The following GCN1 variants were observed in gnomAD, a reference collection of about 807,000 sequenced individuals.
GCN1 encodes stalled ribosome sensor GCN1.
Under a neutral mutation model 288.4 loss-of-function variants are expected in GCN1, and 90 were observed. That is an observed-to-expected ratio of 0.31 (90% CI 0.26 to 0.37). The LOEUF (loss-of-function observed/expected upper bound fraction) is 0.37. GCN1 is among the 10% of genes least tolerant of loss of function. The pLI is 1.00. For missense variants in GCN1, 2,586 were observed against 3,419.9 expected (o/e 0.76, Z 6.08); for synonymous variants, 1,386 against 1,420.2 (o/e 0.98, Z 0.54).
rs375093992 is a variant in GCN1, at chr12:120,164,447, G to C, written c.1737C>G (p.His579Gln). 1.2e-6 allele frequency: 2 copies of C among 1,614,024 alleles called. No individual in the cohort carries two copies. The highest frequency in any genetic ancestry group is 1.7e-6 in the Non-Finnish European group (2 of 1,179,980). ...CTGTCTGCTGAGCCTGCCTGCGGAC[G>C]TGCCAGGTGCGGCTCAGGAGCACCG... ...LVAVLLSRTW[H>Q]VRRQAQQTVR... Residue 579 changes from histidine (H) to glutamine (Q), a missense_variant, in exon 18 of 58, where the codon CAC becomes CAG. Physicochemically the swap from His to Gln is conservative, Grantham distance 24. Transcript: ENST00000300648.
At chr12:120,160,047 G>T (rs1245971300) in intron 23 of GCN1, 24 bp from the exon 24 acceptor site, 2 of 1,606,994 alleles carry the variant, frequency 1.2e-6, no homozygotes, top group South Asian at 2.2e-5. Context: ...TGTCCAGAAG[G>T]CAGGTCAGCA....
chr12:120,158,095 T>C lies in GCN1; in HGVS notation c.2906-65A>G. 1 of 1,505,776 alleles carries C rather than the reference T, an allele frequency of 6.6e-7. No homozygotes were observed. Among genetic ancestry groups the C allele is most frequent in the Non-Finnish European group, 9.1e-7 (1 of 1,094,466 alleles). The allele number at this position is 1,505,776 out of a possible 1,614,324, so 93.3% of individuals were successfully genotyped here. On this transcript the variant is annotated intron_variant, in intron 25 of 57. Transcript: ENST00000300648. The surrounding 1 kb of genome is among the most constrained non-coding windows in gnomAD (Gnocchi z 4.3). ...CAGGGACCCGGGCCACTGCTGCCTA[T>C]TTCTATCCTCAGGGAAAGTAGGGAA...
intron 1 of GCN1, among the ~76,000 whole-genome samples, chr12:120,190,647 A>C (rs1192868908): frequency 6.6e-6 from 1 of 152,142 alleles, no homozygotes; most frequent in East Asian, 1.9e-4. Context: ...TGACATTGTC[A>C]AATGTCTCCT....
rs778946332 is a variant in GCN1, at chr12:120,137,190, C to T, written c.6777+16G>A. The T allele has an allele frequency of 1.0e-5, 16 of 1,588,354 alleles. No individual in the cohort carries two copies. The South Asian group carries it at 1.3e-4, about 13-fold the overall frequency. ...GACTGCACGCCCACAGCCCCCTGCA[C>T]GAGGCCCTGGCTTACCTTCTTCGGG... On this transcript the variant is annotated intron_variant, in intron 50 of 57. Coordinates refer to ENST00000300648, the MANE Select transcript of GCN1 (RefSeq NM_006836.2). The surrounding 1 kb of genome is among the most constrained non-coding windows in gnomAD (Gnocchi z 5.2).
chr12:120,182,439 G>A (rs888754589), intron 5 of GCN1, among the ~76,000 whole-genome samples: 2 of 152,172 alleles, frequency 1.3e-5, no homozygotes, highest in African/African-American at 4.8e-5. Context: ...TTCATGGAGC[G>A]GTACTTGTGT....
chr12:120,137,177 A>G lies in GCN1; in HGVS notation c.6777+29T>C, dbSNP rs764075016. The G allele has an allele frequency of 2.2e-5, 34 of 1,521,214 alleles. No homozygotes were observed. Among genetic ancestry groups the G allele is most frequent in the Non-Finnish European group, 3.0e-5 (33 of 1,096,132 alleles). The allele number at this position is 1,521,214 out of a possible 1,614,324, so 94.2% of individuals were successfully genotyped here. A position where few individuals can be genotyped will look rare whatever the true frequency, so the allele number is the denominator to read the frequency against. ...GAAGGGCACAACAGACTGCACGCCC[A>G]CAGCCCCCTGCACGAGGCCCTGGCT... On this transcript the variant is annotated intron_variant, in intron 50 of 57. Transcript: ENST00000300648. The surrounding 1 kb of genome is among the most constrained non-coding windows in gnomAD (Gnocchi z 5.2).
chr12:120,180,991 C>CAAAAAA (rs35885269), intron 5 of GCN1, among the ~76,000 whole-genome samples: 1 of 103,664 alleles, frequency 9.6e-6, no homozygotes, highest in Non-Finnish European at 2.1e-5. Flanking sequence ...GACTCCGTCT[C>CAAAAAA]AAAAAAAAAA....
Position 120,160,221 on chromosome 12 carries a change from A to T in GCN1, c.2471T>A (p.Val824Glu). ...CTCCTTCTGCTTGCTGGTCAGCTGC[A>T]CCTCCTCTTTGATGCCTTTCTTCTT... ...IKKKKGIKEEVQLTSKQKEML... is the reference protein window; with the variant it reads ...IKKKKGIKEEEQLTSKQKEML... Residue 824 changes from valine (V) to glutamate (E), a missense_variant, in exon 23 of 58, where the codon GTG becomes GAG. Coordinates refer to ENST00000300648, the MANE Select transcript of GCN1 (RefSeq NM_006836.2). 2 of 1,612,142 alleles carry T rather than the reference A, an allele frequency of 1.2e-6. No individual in the cohort carries two copies. The highest frequency in any genetic ancestry group is 1.7e-6 in the Non-Finnish European group (2 of 1,179,840).
chr12:120,180,667 G>C (rs1878626459), intron 5 of GCN1, among the ~76,000 whole-genome samples: 1 of 151,782 alleles, frequency 6.6e-6, no homozygotes, highest in South Asian at 2.1e-4. Context: ...TCACTAGTGA[G>C]TCGTGTGAAC....
intron 57 of GCN1, among the ~76,000 whole-genome samples, chr12:120,128,927 C>T (rs576731958): frequency 5.5e-4 from 82 of 149,924 alleles, no homozygotes; most frequent in African/African-American, 1.9e-3. Flanking sequence ...CTGCAACCTC[C>T]GTCTCCTGGG....
chr12:120,157,675 A>C (rs1479992490), intron 26 of GCN1, among the ~76,000 whole-genome samples, 174 bp downstream of exon 26: 1 of 152,252 alleles, frequency 6.6e-6, no homozygotes, highest in Non-Finnish European at 1.5e-5. Flanking sequence ...TGAAAGAAGC[A>C]GTCTGACCCG....
intron 5 of GCN1, among the ~76,000 whole-genome samples, chr12:120,182,807 G>A (rs1270728427): frequency 6.6e-6 from 1 of 152,000 alleles, no homozygotes. Context: ...AGGTGTGGTG[G>A]CAGGCACCTG....
chr12:120,143,590 A>G (rs1877267787), intron 42 of GCN1, among the ~76,000 whole-genome samples: 1 of 148,838 alleles, frequency 6.7e-6, no homozygotes, highest in African/African-American at 2.4e-5. Context: ...TCAAAAAGGA[A>G]AAAAAAAAAA....
chr12:120,141,030 A>G lies in GCN1; in HGVS notation c.5830-7T>C. On this transcript the variant is annotated splice_polypyrimidine_tract_variant and splice_region_variant and intron_variant, in intron 44 of 57. Coordinates refer to ENST00000300648, the MANE Select transcript of GCN1 (RefSeq NM_006836.2). The stretch of plus-strand genomic sequence containing the variant: ...CCAATGTTCTCGCTGCAATCTGTCA[A>G]CAGAGACCAATCCAGGAAGTAAAGT... 6.2e-7 allele frequency: 1 copy of G among 1,609,302 alleles called. No homozygotes were observed. Among genetic ancestry groups the G allele is most frequent in the Non-Finnish European group, 8.5e-7 (1 of 1,177,066 alleles).
At chr12:120,149,765 A>T (rs373603737) in intron 35 of GCN1, 45 bp from the exon 36 acceptor site, 2 of 1,559,988 alleles carry the variant, frequency 1.3e-6, no homozygotes, top group Non-Finnish European at 1.8e-6. Context: ...TCACCCAAGC[A>T]AGGGGCAAGG....
chr12:120,175,119 T>C, intron 12 of GCN1, 43 bp downstream of exon 12: 2 of 1,508,082 alleles, frequency 1.3e-6, no homozygotes, highest in Non-Finnish European at 1.8e-6. Context: ...ACAGCAAGAC[T>C]TTCTCTCAAA....
intron 38 of GCN1, among the ~76,000 whole-genome samples, chr12:120,146,144 G>A (rs1877353843): frequency 1.3e-5 from 2 of 151,426 alleles, no homozygotes; most frequent in South Asian, 2.1e-4. Flanking sequence ...GTGGGCGGCT[G>A]TAATCCCAGC....
intron 53 of GCN1, among the ~76,000 whole-genome samples, chr12:120,133,589 C>T (rs541006618): frequency 6.2e-4 from 94 of 152,230 alleles, no homozygotes; most frequent in African/African-American, 2.1e-3. Context: ...TCTGTGACCA[C>T]GAGGTCTATG....
chr12:120,156,593 T>C lies in GCN1; in HGVS notation c.3180A>G (p.Ser1060=). The C allele has an allele frequency of 5.0e-6, 8 of 1,614,004 alleles. No homozygotes were observed. Among genetic ancestry groups the C allele is most frequent in the Non-Finnish European group, 6.8e-6 (8 of 1,179,962 alleles). ...TGSPRLQVLA[S]DTLTTLCASS... is the part of the protein sequence containing the mutation. ...TGGCACACAGGGTGGTCAGGGTGTC[T>C]GAAGCCAGAACCTAAGGAGAACATC... The change falls in exon 28 of 58, where the codon TCA becomes TCG. Residue 1060 remains serine, a synonymous_variant. Transcript: ENST00000300648. The surrounding 1 kb of genome is among the most constrained non-coding windows in gnomAD (Gnocchi z 5.8).
Sources: gnomAD v4.1 joint callset for allele counts (sites outside exome capture counted in the v4.1 genomes callset) on GRCh38, gnomAD v4.1.1 for gene constraint, Gnocchi (gnomAD v3.1) non-coding constraint, MANE v1.5 for transcripts, NCBI Gene and HGNC (gene_info 2026-07-23, HGNC 2026-07-21) for gene names.